Variants in CEP250 observed in about 807,000 individuals in gnomAD.
CEP250 encodes the protein centrosomal protein 250.
In CEP250, 242 loss-of-function variants were observed where a neutral mutation model predicts 315.7. The observed-to-expected ratio is 0.77, with a 90% CI of 0.69 to 0.85. The LOEUF (loss-of-function observed/expected upper bound fraction) is 0.85. Ranked by LOEUF, CEP250 falls within the 40% of genes least tolerant of loss-of-function variation. CEP250 has a pLI of 0.00. For synonymous variants in CEP250, 1,088 were observed against 1,175.0 expected (o/e 0.93, Z 1.51); for missense variants, 2,515 against 2,886.4 (o/e 0.87, Z 2.95).
At chr20:35,457,979 T>A (rs2146630486) in intron 1 of CEP250, among the ~76,000 whole-genome samples, 1 of 152,266 alleles carries the variant, frequency 6.6e-6, no homozygotes, top group South Asian at 2.1e-4. Flanking sequence ...ACATGAGATT[T>A]AAATAAGGAG....
chr20:35,517,071 TC>T lies in CEP250; in HGVS notation c.*5447del, dbSNP rs2064442910. 1.0e-6 allele frequency: 1 copy of T among 974,532 alleles called. No homozygotes were observed. Among genetic ancestry groups the T allele is most frequent in the Non-Finnish European group, 1.2e-6 (1 of 820,072 alleles). 60.4% of individuals were successfully genotyped at this position (974,532 alleles called of 1,614,324 possible). A position where few individuals can be genotyped will look rare whatever the true frequency, so the allele number is the denominator to read the frequency against. On this transcript the variant is annotated 3_prime_UTR_variant, in exon 35 of 35. Transcript: ENST00000397527. Reference sequence around the variant, plus strand: ...TGGTCACAGACTCTACATTCCCCTCTCCTGTTGGCCTCCATCCCTTCCTCAA... The same window carrying T: ...TGGTCACAGACTCTACATTCCCCTCTCTGTTGGCCTCCATCCCTTCCTCAA...
chr20:35,496,524 A>C, intron 24 of CEP250, 53 bp from the exon 25 acceptor site: 12 of 1,519,296 alleles, frequency 7.9e-6, no homozygotes, highest in Non-Finnish European at 1.1e-5. Flanking sequence ...ATGAGAAGGT[A>C]ATTTTTCATT....
rs141146763 is a variant in CEP250, at chr20:35,511,442, G to T, written c.7145G>T (p.Arg2382Leu). The T allele has an allele frequency of 6.2e-7, 1 of 1,613,888 alleles. No homozygotes were observed. Among genetic ancestry groups the T allele is most frequent in the Non-Finnish European group, 8.5e-7 (1 of 1,180,030 alleles). ...ATCACCCGCTCAGCACAGACCAGCC[G>T]TGAGCTAGCAGGCCTGCACCACAGC... Reference protein sequence around the residue: ...DYITRSAQTSRELAGLHHSLS... With the variant: ...DYITRSAQTSLELAGLHHSLS... Residue 2382 changes from arginine to leucine, a missense_variant, in exon 35 of 35, where the codon CGT becomes CTT. Coordinates refer to ENST00000397527, the MANE Select transcript of CEP250 (RefSeq NM_007186.6).
intron 4 of CEP250, among the ~76,000 whole-genome samples, chr20:35,463,248 C>T (rs1488255895): frequency 6.6e-6 from 1 of 152,100 alleles, no homozygotes; most frequent in African/African-American, 2.4e-5. Context: ...ACTAAAAATA[C>T]AAAAATTAGC....
intron 17 of CEP250, 34 bp downstream of exon 17, chr20:35,478,135 G>A (rs1050247264): frequency 7.4e-7 from 1 of 1,359,832 alleles, no homozygotes; most frequent in Non-Finnish European, 1.0e-6. Flanking sequence ...TCATGTCTAG[G>A]TGTAATATAT....
intron 7 of CEP250, 41 bp downstream of exon 7, chr20:35,466,245 G>T: frequency 6.5e-7 from 1 of 1,549,934 alleles, no homozygotes. Flanking sequence ...GGAAGCCTGT[G>T]TATTCTGGAT....
chr20:35,500,342 A>T (rs1370991558), intron 28 of CEP250, among the ~76,000 whole-genome samples, 173 bp downstream of exon 28: 1 of 152,194 alleles, frequency 6.6e-6, no homozygotes, highest in Non-Finnish European at 1.5e-5. Flanking sequence ...GGCTCGCTGC[A>T]ACCTATGTCT....
In CEP250 at chr20:35,477,151, C is replaced by G. The variant is rs113860259; in HGVS notation, c.1863+556C>G. Among the ~76,000 whole-genome samples, 361 of 152,272 alleles carry G rather than the reference C, an allele frequency of 2.4e-3. 1 individual carries two copies. The highest frequency in any genetic ancestry group is 7.9e-3 in the African/African-American group (330 of 41,558). The stretch of plus-strand genomic sequence containing the variant: ...TCAGCCTCCTGAATATCTGGGATTA[C>G]AGGCATGCACCACCATGCCTGGCTA... On this transcript the variant is annotated intron_variant, in intron 16 of 34. Transcript: ENST00000397527.
chr20:35,479,358 T>A lies in CEP250; in HGVS notation c.2222T>A (p.Leu741Gln). The part of the protein sequence containing the change: ...KEALVREKAA[L>Q]EVRLQAVERD... The stretch of plus-strand genomic sequence containing the variant: ...GCCCTAGTACGAGAGAAAGCGGCTC[T>A]AGAGGTGCGGCTGCAGGCCGTGGAG... Residue 741 changes from leucine to glutamine, a missense_variant, in exon 18 of 35, where the codon CTA becomes CAA. Coordinates refer to ENST00000397527, the MANE Select transcript of CEP250 (RefSeq NM_007186.6). 6.2e-7 allele frequency: 1 copy of A among 1,614,164 alleles called. No individual in the cohort carries two copies. The highest frequency in any genetic ancestry group is 8.5e-7 in the Non-Finnish European group (1 of 1,180,022).
chr20:35,458,522 A>G (rs1156789723), intron 2 of CEP250, 148 bp downstream of exon 2: 1 of 152,186 alleles, frequency 6.6e-6, no homozygotes. Flanking sequence ...AGTGGTTTAC[A>G]GCTTAGAAGT....
chr20:35,484,786 A>AT (rs2063458416), intron 20 of CEP250, among the ~76,000 whole-genome samples: 1 of 152,108 alleles, frequency 6.6e-6, no homozygotes, highest in Non-Finnish European at 1.5e-5. Flanking sequence ...TGCAGACCAT[A>AT]TGGTCTCTGT....
At chr20:35,486,447 T>C (rs1209516289) in intron 20 of CEP250, among the ~76,000 whole-genome samples, 3 of 151,934 alleles carry the variant, frequency 2.0e-5, no homozygotes, top group Non-Finnish European at 4.4e-5. Flanking sequence ...CTCACTTTGT[T>C]GCCTAGGCTG....
chr20:35,473,921 G>A lies in CEP250; in HGVS notation c.1440G>A (p.Glu480=). The A allele has an allele frequency of 6.2e-7, 1 of 1,613,312 alleles. No homozygotes were observed. The highest frequency in any genetic ancestry group is 1.7e-4 in the Middle Eastern group (1 of 6,060). ...KAREELRQQL[E]VLEQEAWRLR... ...GGGAAGAGCTGCGGCAGCAGCTGGA[G>A]GTGCTAGAGCAGGAGGCATGGCGCC... Residue 480 remains glutamate, a synonymous_variant, in exon 14 of 35, where the codon GAG becomes GAA. Coordinates refer to ENST00000397527, the MANE Select transcript of CEP250 (RefSeq NM_007186.6).
Position 35,502,380 on chromosome 20 carries a change from T to C in CEP250, c.4021-10T>C, listed in dbSNP as rs773279682. 1 of 1,597,118 alleles carries C rather than the reference T, an allele frequency of 6.3e-7. No individual in the cohort carries two copies. Among genetic ancestry groups the C allele is most frequent in the African/African-American group, 1.4e-5 (1 of 74,066 alleles). Reference sequence around the variant, plus strand: ...TGTAGTCTAAAGTGGCTTTTCATCTTGTCTTCTAGGGTGAGCGAGAGTTAC... The same window carrying C: ...TGTAGTCTAAAGTGGCTTTTCATCTCGTCTTCTAGGGTGAGCGAGAGTTAC... On this transcript the variant is annotated splice_polypyrimidine_tract_variant and intron_variant, in intron 29 of 34. Coordinates refer to ENST00000397527, the MANE Select transcript of CEP250 (RefSeq NM_007186.6).
intron 17 of CEP250, among the ~76,000 whole-genome samples, chr20:35,478,860 T>C (rs903399515): frequency 6.6e-6 from 1 of 152,224 alleles, no homozygotes; most frequent in Non-Finnish European, 1.5e-5. Context: ...AGGTCATCTT[T>C]CTCCTCTACA....
At chr20:35,507,975 T>C in intron 31 of CEP250, 60 bp from the exon 32 acceptor site, 1 of 1,608,960 alleles carries the variant, frequency 6.2e-7, no homozygotes, top group South Asian at 1.1e-5. Context: ...GTGTGTCCTC[T>C]GTCTGTTCCC....
chr20:35,463,757 G>A (rs1420801253), intron 5 of CEP250, 126 bp downstream of exon 5: 1 of 613,082 alleles, frequency 1.6e-6, no homozygotes, highest in Admixed American at 4.0e-5. Flanking sequence ...CTCTTTCTCA[G>A]CCTCTGAGAG....
rs546578483 is a variant in CEP250 at position 35,509,314 on chromosome 20, C to T, written c.7008+270C>T. ...CCCAGACCAGTGCCACAGGCTGGCC[C>T]GGGAGTGGGGCTCATGGGGCTCTGC... On this transcript the variant is annotated intron_variant, in intron 33 of 34. Transcript: ENST00000397527. Among the ~76,000 whole-genome samples the T allele has an allele frequency of 9.9e-5, 15 of 152,252 alleles. 1 individual carries two copies. In the South Asian group the frequency reaches 1.0e-3, roughly 11 times the overall value.
chr20:35,462,201 T>G, intron 3 of CEP250, 64 bp from the exon 4 acceptor site: 1 of 558,804 alleles, frequency 1.8e-6, no homozygotes, highest in South Asian at 2.6e-5. Flanking sequence ...TTAAAGGTTC[T>G]GAGGAGTCTT....
Sources: allele counts gnomAD v4.1 joint callset (sites outside exome capture counted in the v4.1 genomes callset), GRCh38; gene constraint gnomAD v4.1.1; transcripts MANE v1.5; gene names NCBI Gene and HGNC (gene_info 2026-07-23, HGNC 2026-07-21).